FOXN4: variants seen among roughly 807,000 people sequenced by gnomAD.
The protein encoded by FOXN4 is forkhead box N4, also known as forkhead box protein N4.
In FOXN4, 12 loss-of-function variants were observed where a neutral mutation model predicts 45.0. The observed-to-expected ratio is 0.27, with a 90% CI of 0.17 to 0.43. The LOEUF (loss-of-function observed/expected upper bound fraction) is 0.43. FOXN4 is among the 20% of genes least tolerant of loss of function. The probability of loss-of-function intolerance (pLI) is 1.00; values close to 1 mark genes in which losing one functional copy is unlikely to be tolerated. For missense variants in FOXN4, 560 were observed against 694.9 expected (o/e 0.81, Z 2.18); for synonymous variants, 297 against 295.0 (o/e 1.01, Z -0.07).
chr12:109,293,660 G>C (rs1228865023), intron 2 of FOXN4, among the ~76,000 whole-genome samples: 1 of 152,188 alleles, frequency 6.6e-6, no homozygotes, highest in Non-Finnish European at 1.5e-5. Flanking sequence ...ACCACGCTGG[G>C]CTAATTTTTG....
At chr12:109,296,821 TCCC>T (rs1489279605) in intron 2 of FOXN4, among the ~76,000 whole-genome samples, 1 of 151,996 alleles carries the variant, frequency 6.6e-6, no homozygotes, top group Non-Finnish European at 1.5e-5. Context: ...CCACCCACAC[TCCC>T]CTGGGGTCAG....
chr12:109,299,704 C>T (rs1462368325), intron 2 of FOXN4, among the ~76,000 whole-genome samples: 8 of 152,208 alleles, frequency 5.3e-5, no homozygotes, highest in African/African-American at 9.7e-5. Context: ...GAGACAGATC[C>T]GGGCAAGGAT....
intron 2 of FOXN4, among the ~76,000 whole-genome samples, chr12:109,306,036 C>T (rs2047919198): frequency 6.6e-6 from 1 of 152,104 alleles, no homozygotes; most frequent in South Asian, 2.1e-4. Flanking sequence ...TGAACAAGGT[C>T]AAGACTCCGG....
At chr12:109,302,728 G>T (rs147036350) in intron 2 of FOXN4, among the ~76,000 whole-genome samples, 3,042 of 152,094 alleles carry the variant, frequency 0.02, 103 homozygotes, top group African/African-American at 0.069. Context: ...AAATATTGCC[G>T]GGGGGTGGGG....
rs140420569 is a variant in FOXN4, at chr12:109,285,452, G to A, written c.753C>T (p.Phe251=). 3.5e-5 allele frequency: 56 copies of A among 1,614,046 alleles called. No individual in the cohort carries two copies. In the South Asian group the frequency reaches 4.8e-4, roughly 14 times the overall value. The change falls in exon 8 of 10, where the codon TTC becomes TTT. Residue 251 remains phenylalanine, a synonymous_variant. Transcript: ENST00000299162. ...CGCTCATCTTGTTCTCCACCTTCTCGAAGCACTTGTTCAGAGACAGGTTGT... is the reference window on the plus strand; with the variant it reads ...CGCTCATCTTGTTCTCCACCTTCTCAAAGCACTTGTTCAGAGACAGGTTGT... ...VRHNLSLNKC[F]EKVENKMSGS... is the part of the protein sequence containing the mutation.
At chr12:109,307,488 T>C (rs1593791905) in intron 2 of FOXN4, among the ~76,000 whole-genome samples, 1 of 152,266 alleles carries the variant, frequency 6.6e-6, no homozygotes, top group East Asian at 1.9e-4. Flanking sequence ...GGACAAGCCC[T>C]TTCCCCTTTC....
At position 109,281,728 on chromosome 12, in the gene FOXN4, C is replaced by A. The variant is rs779516940; in HGVS notation, c.973G>T (p.Ala325Ser). The A allele has an allele frequency of 6.2e-7, 1 of 1,608,748 alleles. No individual in the cohort carries two copies. The highest frequency in any genetic ancestry group is 8.5e-7 in the Non-Finnish European group (1 of 1,177,742). Residue 325 changes from alanine to serine, a missense_variant, in exon 9 of 10, where the codon GCC becomes TCC. Around this residue, in one of 5 missense-constraint regions of FOXN4, gnomAD observed 315 missense variants for 350.5 expected, o/e 0.90. Transcript: ENST00000299162. ...RRPGKPGEPE[A>S]PVLTHATTVA... is the part of the protein sequence containing the mutation. The stretch of plus-strand genomic sequence containing the variant: ...GTGGTGGCGTGAGTCAGCACGGGGG[C>A]CTCTGGTTCCCCCGGTTTGCCGGGG...
intron 1 of FOXN4, 30 bp from the exon 2 acceptor site, chr12:109,308,354 T>A (rs1363175863): frequency 6.6e-7 from 1 of 1,509,940 alleles, no homozygotes; most frequent in Non-Finnish European, 9.0e-7. Context: ...AAAACAAAGC[T>A]CCCATCAGCG....
rs373054266 is a variant in FOXN4, at chr12:109,298,855, C to T, written c.87-8569G>A. On this transcript the variant is annotated intron_variant, in intron 2 of 9. Coordinates refer to ENST00000299162, the MANE Select transcript of FOXN4 (RefSeq NM_213596.3). ...TCAGGGCCACAGGTGTGAGCTCCTCCTGGCTGCGTGACCTGGGGCTGGTGA... is the reference window on the plus strand; with the variant it reads ...TCAGGGCCACAGGTGTGAGCTCCTCTTGGCTGCGTGACCTGGGGCTGGTGA... Among the ~76,000 whole-genome samples the T allele has an allele frequency of 2.4e-4, 36 of 152,264 alleles. No homozygotes were observed. The East Asian group carries it at 3.9e-3, about 16-fold the overall frequency.
intron 2 of FOXN4, among the ~76,000 whole-genome samples, chr12:109,296,427 G>T (rs945111218): frequency 1.3e-5 from 2 of 152,224 alleles, no homozygotes; most frequent in Non-Finnish European, 2.9e-5. Context: ...CCCTCACAAA[G>T]GATGCCTTTC....
chr12:109,288,278 G>A lies in FOXN4; in HGVS notation c.233-98C>T. On this transcript the variant is annotated intron_variant, in intron 3 of 9. Coordinates refer to ENST00000299162, the MANE Select transcript of FOXN4 (RefSeq NM_213596.3). The surrounding 1 kb of genome is among the most constrained non-coding windows in gnomAD (Gnocchi z 4.3). ...CAGGTGTCTCCGGAGAACGGAGCCAGCCCCTTTCCTCGGACCAGGCACATA... is the reference window on the plus strand; with the variant it reads ...CAGGTGTCTCCGGAGAACGGAGCCAACCCCTTTCCTCGGACCAGGCACATA... The A allele has an allele frequency of 3.4e-6, 5 of 1,465,858 alleles. No homozygotes were observed. Among genetic ancestry groups the A allele is most frequent in the South Asian group, 1.3e-5 (1 of 75,464 alleles). The allele number at this position is 1,465,858 out of a possible 1,614,324, so 90.8% of individuals were successfully genotyped here.
chr12:109,287,811 G>A lies in FOXN4; in HGVS notation c.468+33C>T, dbSNP rs1240584904. On this transcript the variant is annotated intron_variant, in intron 5 of 9. Coordinates refer to ENST00000299162, the MANE Select transcript of FOXN4 (RefSeq NM_213596.3). This position sits in a 1 kb window ranked among gnomAD's most constrained non-coding sequence, Gnocchi z 4.1. ...GCCAGCCCAAGGCAGGGTGTCTGCT[G>A]CTCAGTCCAGGGCTCCCCTGAGCCC... is the stretch of plus-strand genomic sequence containing the variant. The A allele has an allele frequency of 1.3e-6, 2 of 1,519,180 alleles. No homozygotes were observed. The highest frequency in any genetic ancestry group is 1.4e-5 in the African/African-American group (1 of 71,600). The allele number at this position is 1,519,180 out of a possible 1,614,324, so 94.1% of individuals were successfully genotyped here.
chr12:109,300,661 C>A (rs927078515), intron 2 of FOXN4, among the ~76,000 whole-genome samples: 1 of 152,156 alleles, frequency 6.6e-6, no homozygotes, highest in African/African-American at 2.4e-5. Context: ...GTAATCGAAG[C>A]GCTTTGGGAG....
intron 2 of FOXN4, among the ~76,000 whole-genome samples, chr12:109,295,257 T>C (rs2047806485): frequency 6.6e-6 from 1 of 152,056 alleles, no homozygotes; most frequent in Admixed American, 6.6e-5. Context: ...ACCTCCTAAG[T>C]TTCTCCTCTA....
Position 109,288,148 on chromosome 12 carries a change from C to T in FOXN4, c.265G>A (p.Gly89Arg), listed in dbSNP as rs948244639. ...TGGAGAAGGGGACTTGGAGTGGCTC[C>T]CACATGCAGGTCGGCCACCCCAGCC... ...ALAGVADLHV[G>R]ATPSPLLHGP... The change falls in exon 4 of 10, where the codon GGA becomes AGA. Residue 89 changes from glycine to arginine, a missense_variant. Transcript: ENST00000299162. This position sits in a 1 kb window ranked among gnomAD's most constrained non-coding sequence, Gnocchi z 4.3. The T allele has an allele frequency of 4.5e-6, 7 of 1,547,430 alleles. No homozygotes were observed. Among genetic ancestry groups the T allele is most frequent in the Non-Finnish European group, 6.1e-6 (7 of 1,146,094 alleles).
In FOXN4 at chr12:109,285,304, C is replaced by T; in HGVS notation, c.901G>A (p.Glu301Lys). ...GCACTGCGGGCTGTCCGGCCCTCAC[C>T]AGGGTTGGCCATACTCCGGTGGATG... ...AAIHRSMANP[E>K]ELDKLISDRP... Residue 301 changes from glutamate to lysine, a missense_variant and splice_region_variant, in exon 8 of 10, where the codon GAG becomes AAG. Transcript: ENST00000299162. 1 of 1,598,810 alleles carries T rather than the reference C, an allele frequency of 6.3e-7. No individual in the cohort carries two copies. Among genetic ancestry groups the T allele is most frequent in the Non-Finnish European group, 8.5e-7 (1 of 1,174,002 alleles).
rs2136927638 is a variant in FOXN4, at chr12:109,290,216, C to A, written c.157G>T (p.Asp53Tyr). ...LQSLSWLTAV[D>Y]VPRLQQMASG... ...GCCATCTGCTGCAGCCGAGGCACAT[C>A]CACCGCCGTGAGCCACGACAGCGAC... Residue 53 changes from aspartate to tyrosine, a missense_variant, in exon 3 of 10, where the codon GAT (aspartate) becomes TAT (tyrosine). Physicochemically the swap from Asp to Tyr is radical, Grantham distance 160. Coordinates refer to ENST00000299162, the MANE Select transcript of FOXN4 (RefSeq NM_213596.3). The surrounding 1 kb of genome is among the most constrained non-coding windows in gnomAD (Gnocchi z 5.1). 6.4e-7 allele frequency: 1 copy of A among 1,551,470 alleles called. No homozygotes were observed. The highest frequency in any genetic ancestry group is 8.7e-7 in the Non-Finnish European group (1 of 1,146,954).
At chr12:109,308,441 T>A (rs1477640736) in intron 1 of FOXN4, 117 bp from the exon 2 acceptor site, 1 of 625,456 alleles carries the variant, frequency 1.6e-6, no homozygotes, top group Non-Finnish European at 2.6e-6. Flanking sequence ...ACAGAACACT[T>A]TTTTTTTCTT....
chr12:109,286,777 GGC>G (rs1357941712), intron 6 of FOXN4, 33 bp from the exon 7 acceptor site: 2 of 1,581,506 alleles, frequency 1.3e-6, no homozygotes, highest in African/African-American at 1.3e-5. Context: ...GGCAGGGCAG[GGC>G]AGGACAGGGC....
Sources: allele counts gnomAD v4.1 joint callset (sites outside exome capture counted in the v4.1 genomes callset), GRCh38; gene constraint gnomAD v4.1.1; regional missense constraint gnomAD v4.1.1; non-coding constraint Gnocchi (gnomAD v3.1); transcripts MANE v1.5; gene names NCBI Gene and HGNC (gene_info 2026-07-23, HGNC 2026-07-21).